The following HLA-DRB1 variants were observed in gnomAD, a reference collection of about 807,000 sequenced individuals.
The protein encoded by HLA-DRB1 is major histocompatibility complex, class II, DR beta 1 precursor.
A neutral mutation model predicts 27.9 loss-of-function variants in HLA-DRB1; 10 were observed. The observed-to-expected ratio is 0.36, with a 90% CI of 0.22 to 0.61. The LOEUF (loss-of-function observed/expected upper bound fraction) is 0.61. HLA-DRB1 is among the 20% of genes least tolerant of loss of function. The probability of loss-of-function intolerance (pLI) is 0.73; values close to 1 mark genes in which losing one functional copy is unlikely to be tolerated. For synonymous variants in HLA-DRB1, 57 were observed against 126.7 expected, an observed-to-expected ratio of 0.45 and a Z score of 3.69; for missense variants, 118 against 306.3, an observed-to-expected ratio of 0.39 and a Z score of 4.59.
chr6:32,588,082 T>C (rs9279745), intron 1 of HLA-DRB1, among the ~76,000 whole-genome samples: 7 of 43,984 alleles, frequency 1.6e-4, no homozygotes, highest in Non-Finnish European at 2.6e-4. Context: ...AAACTTCTTT[T>C]TTCTCCTCCT....
chr6:32,581,925 C>T (rs28732338), intron 2 of HLA-DRB1, 87 bp from the exon 3 acceptor site: 13,078 of 620,694 alleles, frequency 0.021, 2 homozygotes, highest in East Asian at 0.035. Context: ...TCTGCAAACC[C>T]AGGCTCTGGC....
intron 2 of HLA-DRB1, among the ~76,000 whole-genome samples, 196 bp from the exon 3 acceptor site, chr6:32,582,034 T>A (rs28723971): frequency 0.33 from 36,507 of 112,008 alleles, 6,751 homozygotes; most frequent in Middle Eastern, 0.49. Context: ...TTGAGAGGTG[T>A]TGTGAAAAAT....
At chr6:32,584,303 T>C (rs3175105) in exon 2 of HLA-DRB1, 142,668 of 1,327,502 alleles carry the variant, frequency 0.11, 18,092 homozygotes, top group Non-Finnish European at 0.12. Context: ...GTTATAGAAG[T>C]ATCTGTCCAG....
At chr6:32,589,219 C>A (rs9270249) in intron 1 of HLA-DRB1, among the ~76,000 whole-genome samples, 76,502 of 110,748 alleles carry the variant, frequency 0.69, 27,968 homozygotes, top group Middle Eastern at 0.83. Flanking sequence ...TGTGGGGAAC[C>A]TAACACTGGA....
chr6:32,585,213 G>A (rs1312459243), intron 1 of HLA-DRB1, among the ~76,000 whole-genome samples: 2 of 88,946 alleles, frequency 2.2e-5, no homozygotes, highest in Admixed American at 1.2e-4. Context: ...ATCAGAACTA[G>A]CAGCCCTTGC....
intron 5 of HLA-DRB1, among the ~76,000 whole-genome samples, 155 bp from the exon 6 acceptor site, chr6:32,579,259 C>T (rs41287217): frequency 0.05 from 2,992 of 59,530 alleles, 197 homozygotes; most frequent in Middle Eastern, 0.2. Flanking sequence ...CACACCTTTT[C>T]TAAGTGGAGA....
intron 4 of HLA-DRB1, among the ~76,000 whole-genome samples, 165 bp from the exon 5 acceptor site, chr6:32,580,435 C>A (rs9269757): frequency 0.38 from 41,004 of 107,632 alleles, 4,164 homozygotes; most frequent in Middle Eastern, 0.48. Context: ...CCCATGAAGC[C>A]TGAAGTGTCT....
At chr6:32,581,568 G>T in exon 3 of HLA-DRB1, 1 of 1,132,234 alleles carries the variant, frequency 8.8e-7, no homozygotes, top group Non-Finnish European at 1.2e-6. Context: ...CCATTCCACT[G>T]TGAGAGGGCT....
intron 1 of HLA-DRB1, among the ~76,000 whole-genome samples, chr6:32,585,975 G>GT (rs1776324132): frequency 1.5e-5 from 1 of 66,142 alleles, no homozygotes; most frequent in Non-Finnish European, 2.9e-5. Context: ...GATGGCGACT[G>GT]GATTCATTTT....
At chr6:32,584,453 CT>C in intron 1 of HLA-DRB1, 75 bp from the exon 2 acceptor site, 2 of 665,814 alleles carry the variant, frequency 3.0e-6, no homozygotes, top group African/African-American at 3.2e-5. Context: ...CCATCCGGGG[CT>C]CCCTGAGCGG....
chr6:32,587,201 T>G (rs1776544216), intron 1 of HLA-DRB1, among the ~76,000 whole-genome samples: 2 of 50,630 alleles, frequency 4.0e-5, no homozygotes, highest in South Asian at 5.4e-4. Context: ...GCTAACACGG[T>G]GAAACCCTAT....
chr6:32,587,153 C>A (rs9270114), intron 1 of HLA-DRB1, among the ~76,000 whole-genome samples: 1 of 48,866 alleles, frequency 2.0e-5, no homozygotes, highest in South Asian at 5.7e-4. Context: ...GAGGCCAAGG[C>A]GGGCGGATCA....
chr6:32,580,524 C>A (rs28732262), intron 4 of HLA-DRB1, among the ~76,000 whole-genome samples: 9,918 of 105,226 alleles, frequency 0.094, 797 homozygotes, highest in East Asian at 0.11. Flanking sequence ...CAAAGGACCC[C>A]TACTTGTTAA....
intron 1 of HLA-DRB1, among the ~76,000 whole-genome samples, chr6:32,584,983 C>CT (rs1776188891): frequency 1.3e-5 from 1 of 79,148 alleles, no homozygotes; most frequent in Non-Finnish European, 2.5e-5. Flanking sequence ...ATAGAAGATT[C>CT]CCAGTTAAAT....
chr6:32,584,287 C>T (rs17885071), exon 2 of HLA-DRB1: 12 of 1,446,876 alleles, frequency 8.3e-6, no homozygotes, highest in Non-Finnish European at 1.2e-5. Flanking sequence ...GCACGGACTC[C>T]TCCTGGTTAT....
At chr6:32,588,084 T>G (rs34139413) in intron 1 of HLA-DRB1, among the ~76,000 whole-genome samples, 3,410 of 139,440 alleles carry the variant, frequency 0.024, 83 homozygotes, top group Admixed American at 0.038. Flanking sequence ...ACTTCTTTTT[T>G]CTCCTCCTTC....
In HLA-DRB1 at chr6:32,581,336, AGGG is replaced by A. The variant is rs1208984938; in HGVS notation, c.652+218_652+220del. Among the ~76,000 whole-genome samples the A allele has an allele frequency of 9.4e-3, 867 of 92,236 alleles. 37 individuals are homozygous for A. Among genetic ancestry groups the A allele is most frequent in the African/African-American group, 0.015 (317 of 20,598 alleles). The allele number at this position is 92,236 out of a possible 152,430, so 60.5% of individuals were successfully genotyped here. On this transcript the variant is annotated intron_variant, in intron 3 of 5. Transcript: ENST00000360004. ...GCAAAATCATGGGGAGGTTCAAAAG[AGGG>A]ACAGTCTCTCCCGCCTGGCAGGCGA...
chr6:32,586,850 C>T (rs1421557158), intron 1 of HLA-DRB1, among the ~76,000 whole-genome samples: 1 of 90,210 alleles, frequency 1.1e-5, no homozygotes, highest in African/African-American at 4.0e-5. Context: ...AAAAGAAAAT[C>T]CTTAGGAATA....
At chr6:32,584,756 A>C (rs1776150563) in intron 1 of HLA-DRB1, among the ~76,000 whole-genome samples, 1 of 69,624 alleles carries the variant, frequency 1.4e-5, no homozygotes, top group Non-Finnish European at 3.0e-5. Context: ...CGGTACCTTC[A>C]ACAGCACCCA....
Sources: allele counts gnomAD v4.1 joint callset (sites outside exome capture counted in the v4.1 genomes callset), GRCh38; gene constraint gnomAD v4.1.1; transcripts MANE v1.5; gene names NCBI Gene and HGNC (gene_info 2026-07-23, HGNC 2026-07-21).